Variants in FMN2 observed in about 807,000 individuals in gnomAD.
FMN2 encodes formin 2.
A neutral mutation model predicts 142.3 loss-of-function variants in FMN2; 51 were observed. The observed-to-expected ratio is 0.36, with a 90% confidence interval of 0.29 to 0.45. FMN2 has a LOEUF of 0.45. Ranked by LOEUF, FMN2 falls within the 20% of genes least tolerant of loss-of-function variation. The probability of loss-of-function intolerance (pLI) is 1.00; values close to 1 mark genes in which losing one functional copy is unlikely to be tolerated. For synonymous variants in FMN2, 882 were observed against 869.8 expected, an observed-to-expected ratio of 1.01 and a Z score of -0.25; for missense variants, 1,936 against 2,122.8, an observed-to-expected ratio of 0.91 and a Z score of 1.73.
chr1:240,102,729 G>A (rs1661456682), intron 1 of FMN2, among the ~76,000 whole-genome samples: 1 of 152,142 alleles, frequency 6.6e-6, no homozygotes, highest in East Asian at 1.9e-4. Flanking sequence ...CCAGAAGTAT[G>A]TTGACTCTGT....
intron 7 of FMN2, among the ~76,000 whole-genome samples, chr1:240,265,230 G>A (rs781409373): frequency 1.3e-5 from 2 of 152,012 alleles, no homozygotes; most frequent in East Asian, 1.9e-4. Context: ...TACAAATTTT[G>A]CAGTTTGCAT....
At chr1:240,181,302 C>T (rs1665140962) in intron 3 of FMN2, among the ~76,000 whole-genome samples, 1 of 152,226 alleles carries the variant, frequency 6.6e-6, no homozygotes. Context: ...CTGCACTGGG[C>T]CTTTTTTCCA....
At chr1:240,302,330 G>T (rs1298844249) in intron 8 of FMN2, among the ~76,000 whole-genome samples, 1 of 151,902 alleles carries the variant, frequency 6.6e-6, no homozygotes, top group East Asian at 1.9e-4. Context: ...AAAGAAATTT[G>T]CAATACCTGG....
Position 240,294,742 on chromosome 1 carries a change from G to A in FMN2, c.4154-80G>A, listed in dbSNP as rs61626296. 2.2e-3 allele frequency: 2,849 copies of A among 1,308,816 alleles called. 38 individuals are homozygous for A. The African/African-American group carries it at 0.027, about 13-fold the overall frequency. 81.1% of individuals were successfully genotyped at this position (1,308,816 alleles called of 1,614,324 possible). ...CCCTGCTCCCTCTGGCTGCTGAGCC[G>A]TGAGCCTGCTGCCTGAGATGGTCAA... is the stretch of plus-strand genomic sequence containing the variant. On this transcript the variant is annotated intron_variant, in intron 7 of 17. Transcript: ENST00000319653.
Position 240,451,705 on chromosome 1 carries a change from G to A in FMN2, c.5060+13495G>A, listed in dbSNP as rs867917172. Among the ~76,000 whole-genome samples the A allele has an allele frequency of 5.9e-5, 9 of 152,050 alleles. No individual in the cohort carries two copies. The South Asian group carries it at 6.2e-4, about 11-fold the overall frequency. ...AACTAGTAGAGCAATAGAAGAAAGT[G>A]CGCTTATAAGCCTGATATAGTAAAA... On this transcript the variant is annotated intron_variant, in intron 16 of 17. Transcript: ENST00000319653.
chr1:240,366,736 AG>A (rs1223176218), intron 14 of FMN2, among the ~76,000 whole-genome samples: 1 of 151,914 alleles, frequency 6.6e-6, no homozygotes. Flanking sequence ...TTTTTAGTAG[AG>A]GGGGGGTTTC....
At chr1:240,155,860 C>A (rs1009136009) in intron 2 of FMN2, among the ~76,000 whole-genome samples, 1 of 147,648 alleles carries the variant, frequency 6.8e-6, no homozygotes, top group Admixed American at 6.8e-5. Context: ...AAAAAAAAAA[C>A]TGACCATCTG....
At chr1:240,220,832 C>T (rs1667084067) in intron 6 of FMN2, among the ~76,000 whole-genome samples, 1 of 152,130 alleles carries the variant, frequency 6.6e-6, no homozygotes, top group African/African-American at 2.4e-5. Flanking sequence ...CCGTCATCTA[C>T]ATGAGGTATT....
chr1:240,397,785 C>CAAAAAAAAA (rs35826717), intron 15 of FMN2, among the ~76,000 whole-genome samples: 4 of 46,808 alleles, frequency 8.5e-5, no homozygotes, highest in East Asian at 8.0e-4. Context: ...GACTCCTTCT[C>CAAAAAAAAA]AAAAAAAAAA....
intron 13 of FMN2, chr1:240,341,293 G>A (rs1366684032): frequency 6.6e-6 from 1 of 152,042 alleles, no homozygotes; most frequent in Non-Finnish European, 1.5e-5. Flanking sequence ...CTTTTCAGCT[G>A]TTGTTTCATC....
At chr1:240,222,116 GT>G (rs1363591557) in intron 6 of FMN2, among the ~76,000 whole-genome samples, 1 of 151,428 alleles carries the variant, frequency 6.6e-6, no homozygotes, top group Non-Finnish European at 1.5e-5. Context: ...GCCTCGGCAG[GT>G]TTTAGGTCTT....
At chr1:240,148,816 C>G (rs1453083873) in intron 2 of FMN2, among the ~76,000 whole-genome samples, 1 of 151,734 alleles carries the variant, frequency 6.6e-6, no homozygotes, top group Admixed American at 6.6e-5. Flanking sequence ...CCTAAAAATA[C>G]AAAAAATTAG....
At chr1:240,276,722 G>A (rs1669225970) in intron 7 of FMN2, among the ~76,000 whole-genome samples, 1 of 152,106 alleles carries the variant, frequency 6.6e-6, no homozygotes, top group African/African-American at 2.4e-5. Context: ...CCACAATCAT[G>A]TAAGTTTGTA....
chr1:240,352,172 T>G (rs1030822834), intron 13 of FMN2, among the ~76,000 whole-genome samples: 1 of 152,200 alleles, frequency 6.6e-6, no homozygotes, highest in Non-Finnish European at 1.5e-5. Context: ...ACTTGAAGAC[T>G]GTAATGTAGT....
At chr1:240,369,088 A>G (rs542175330) in intron 14 of FMN2, among the ~76,000 whole-genome samples, 1 of 152,248 alleles carries the variant, frequency 6.6e-6, no homozygotes, top group Admixed American at 6.5e-5. Context: ...ATCTCTGGAC[A>G]TATTTATGCT....
At chr1:240,312,706 G>A (rs1315226601) in intron 8 of FMN2, among the ~76,000 whole-genome samples, 2 of 152,158 alleles carry the variant, frequency 1.3e-5, no homozygotes, top group African/African-American at 4.8e-5. Context: ...GTGATCAGAT[G>A]TTCCACAAAG....
intron 2 of FMN2, among the ~76,000 whole-genome samples, chr1:240,124,442 C>T (rs1225576888): frequency 6.6e-6 from 1 of 152,156 alleles, no homozygotes; most frequent in Non-Finnish European, 1.5e-5. Flanking sequence ...CAGTAATTCA[C>T]CAGGCATATT....
intron 7 of FMN2, among the ~76,000 whole-genome samples, chr1:240,260,146 CGTT>C (rs1476458236): frequency 2.0e-5 from 3 of 152,152 alleles, no homozygotes; most frequent in Non-Finnish European, 1.5e-5. Context: ...TTTATCTACT[CGTT>C]GATTGATGGG....
At position 240,208,078 on chromosome 1, in the gene FMN2, C is replaced by A. The variant is rs1243859651; in HGVS notation, c.3266C>A (p.Pro1089His). ...PLPGAGIPPP[P>H]PLPGAGIPPP... ...CCCGGAGCGGGCATACCCCCACCTCCCCCTCTACCCGGAGCGGGCATACCC... is the reference window on the plus strand; with the variant it reads ...CCCGGAGCGGGCATACCCCCACCTCACCCTCTACCCGGAGCGGGCATACCC... Residue 1089 changes from proline (P) to histidine (H), a missense_variant, in exon 5 of 18, where the codon CCC (proline) becomes CAC (histidine). Around this residue, in one of 8 missense-constraint regions of FMN2, gnomAD observed 56 missense variants for 111.8 expected, o/e 0.50. Coordinates refer to ENST00000319653, the MANE Select transcript of FMN2 (RefSeq NM_020066.5). 1.3e-6 allele frequency: 1 copy of A among 745,664 alleles called. No individual in the cohort carries two copies. The highest frequency in any genetic ancestry group is 2.2e-6 in the Non-Finnish European group (1 of 452,378). 46.2% of individuals were successfully genotyped at this position (745,664 alleles called of 1,614,324 possible). A position where few individuals can be genotyped will look rare whatever the true frequency, so the allele number is the denominator to read the frequency against.
Sources: gnomAD v4.1 joint callset for allele counts (sites outside exome capture counted in the v4.1 genomes callset) on GRCh38, gnomAD v4.1.1 for gene constraint, gnomAD v4.1.1 regional missense constraint, MANE v1.5 for transcripts, NCBI Gene and HGNC (gene_info 2026-07-23, HGNC 2026-07-21) for gene names.